The following ABCD2 variants were observed in gnomAD, a reference collection of about 807,000 sequenced individuals.
ABCD2 encodes ATP-binding cassette sub-family D member 2.
A neutral mutation model predicts 70.9 loss-of-function variants in ABCD2; 36 were observed. That is an observed-to-expected ratio of 0.51 (90% confidence interval 0.39 to 0.67). The LOEUF is 0.67. Ranked by LOEUF, ABCD2 falls within the 30% of genes least tolerant of loss-of-function variation. ABCD2 has a pLI of 0.00. For missense variants in ABCD2, 729 were observed against 890.2 expected (o/e 0.82, Z 2.30); for synonymous variants, 304 against 306.9 (o/e 0.99, Z 0.10).
chr12:39,574,549 C>G (rs1046746760), intron 8 of ABCD2, among the ~76,000 whole-genome samples: 65 of 152,220 alleles, frequency 4.3e-4, no homozygotes, highest in African/African-American at 1.5e-3. Context: ...CTTTCTCCCT[C>G]TCATCTCACC....
intron 6 of ABCD2, among the ~76,000 whole-genome samples, chr12:39,590,185 AATAG>A (rs1205143955): frequency 2.0e-5 from 3 of 152,218 alleles, no homozygotes; most frequent in Non-Finnish European, 2.9e-5. Context: ...AGTTATACAT[AATAG>A]ATAAGCACTC....
At chr12:39,593,166 C>T (rs751110720) in intron 6 of ABCD2, among the ~76,000 whole-genome samples, 2 of 152,160 alleles carry the variant, frequency 1.3e-5, no homozygotes, top group Admixed American at 6.5e-5. Flanking sequence ...TCCCTGATCC[C>T]TACAAAGAAG....
chr12:39,563,840 T>G (rs1346315166), intron 9 of ABCD2, among the ~76,000 whole-genome samples: 1 of 152,198 alleles, frequency 6.6e-6, no homozygotes, highest in African/African-American at 2.4e-5. Flanking sequence ...TGTATTCTCA[T>G]TGTTCAATTC....
Position 39,619,216 on chromosome 12 carries a change from T to C in ABCD2, c.400A>G (p.Ser134Gly). The change falls in exon 1 of 10, where the codon AGC becomes GGC. Residue 134 changes from serine to glycine, a missense_variant. Physicochemically the swap from Ser to Gly is moderately conservative, Grantham distance 56. Coordinates refer to ENST00000308666, the MANE Select transcript of ABCD2 (RefSeq NM_005164.4). ...GTCCGAGGCTTCTTTTCCACAATGC[T>C]TTTCACGATTTTTCCATCCAGACCA... ...VAGLDGKIVK[S>G]IVEKKPRTFI... The C allele has an allele frequency of 6.2e-7, 1 of 1,614,122 alleles. No homozygotes were observed. The highest frequency in any genetic ancestry group is 1.3e-5 in the African/African-American group (1 of 75,010).
chr12:39,536,530 G>A, the ABCD2 span, among the ~76,000 whole-genome samples: 1 of 152,306 alleles, frequency 6.6e-6, no homozygotes, highest in South Asian at 2.1e-4. Context: ...CATTGAACAT[G>A]CTAAATTCTG....
intron 9 of ABCD2, among the ~76,000 whole-genome samples, chr12:39,566,693 T>G (rs1941354140): frequency 6.6e-6 from 1 of 152,248 alleles, no homozygotes. Flanking sequence ...TGTTTGCTCT[T>G]GCTCCTCTAT....
chr12:39,536,013 C>T, the ABCD2 span, among the ~76,000 whole-genome samples: 1 of 152,092 alleles, frequency 6.6e-6, no homozygotes, highest in South Asian at 2.1e-4. Flanking sequence ...ATCACTTGAA[C>T]CTGGCAGGCG....
At chr12:39,565,409 C>T (rs1941329070) in intron 9 of ABCD2, among the ~76,000 whole-genome samples, 1 of 152,146 alleles carries the variant, frequency 6.6e-6, no homozygotes, top group Admixed American at 6.5e-5. Flanking sequence ...TGGGAGTTCA[C>T]TCATGATTTG....
the ABCD2 span, among the ~76,000 whole-genome samples, chr12:39,538,786 C>T: frequency 5.9e-5 from 9 of 152,134 alleles, no homozygotes; most frequent in African/African-American, 1.7e-4. Context: ...GGAAGAGAGC[C>T]GGCGGGAAGA....
the ABCD2 span, among the ~76,000 whole-genome samples, chr12:39,534,760 GAGAAAGAAAGAAAGAAAGAA>G: frequency 7.5e-4 from 85 of 113,252 alleles, no homozygotes; most frequent in Middle Eastern, 4.4e-3. Flanking sequence ...AAGAAAGAAA[GAGAAAGAAAGAAAGAAAGAA>G]AGAAAGAAAG....
rs1942126274 is a variant in ABCD2 at position 39,617,119 on chromosome 12, A to G, written c.989T>C (p.Met330Thr). Residue 330 changes from methionine to threonine, a missense_variant, in exon 2 of 10, where the codon ATG (methionine) becomes ACG (threonine). Physicochemically the swap from Met to Thr is moderately conservative, Grantham distance 81. Around this residue, in one of 3 missense-constraint regions of ABCD2, gnomAD observed 195 missense variants for 300.2 expected, o/e 0.65. Coordinates refer to ENST00000308666, the MANE Select transcript of ABCD2 (RefSeq NM_005164.4). ...CAAACGTTTGGATAAAATGAGGTTC[A>G]TCTGATCTGCTAAAGCTTTGTAACT... ...QKSYKALADQMNLILSKRLWY... is the reference protein window; with the variant it reads ...QKSYKALADQTNLILSKRLWY... The G allele has an allele frequency of 6.2e-7, 1 of 1,611,894 alleles. No homozygotes were observed. Among genetic ancestry groups the G allele is most frequent in the Non-Finnish European group, 8.5e-7 (1 of 1,179,004 alleles).
chr12:39,558,314 C>T (rs1941200764), intron 9 of ABCD2, among the ~76,000 whole-genome samples: 1 of 152,128 alleles, frequency 6.6e-6, no homozygotes, highest in Admixed American at 6.5e-5. Context: ...AAGTAACTAA[C>T]TTTGGACTTG....
In ABCD2 at chr12:39,556,056, A is replaced by C. The variant is rs541613489; in HGVS notation, c.2004-1925T>G. 1.6e-4 allele frequency among the ~76,000 whole-genome samples: 25 copies of C among 152,282 alleles called. No individual in the cohort carries two copies. In the South Asian group the frequency reaches 2.3e-3, roughly 14 times the overall value. On this transcript the variant is annotated intron_variant, in intron 9 of 9. Transcript: ENST00000308666. ...AGAATTTCTGGATAGGCTTACTGTCAAAGAACTTTTCTCAGACAAAGCTAG... is the reference window on the plus strand; with the variant it reads ...AGAATTTCTGGATAGGCTTACTGTCCAAGAACTTTTCTCAGACAAAGCTAG...
At chr12:39,564,983 G>T (rs201097381) in intron 9 of ABCD2, among the ~76,000 whole-genome samples, 4 of 152,050 alleles carry the variant, frequency 2.6e-5, no homozygotes, top group East Asian at 1.9e-4. Context: ...TGTTCCATTG[G>T]CTATATCTCT....
At chr12:39,535,832 A>T in the ABCD2 span, among the ~76,000 whole-genome samples, 1 of 152,208 alleles carries the variant, frequency 6.6e-6, no homozygotes, top group African/African-American at 2.4e-5. Context: ...TGAAAGTATA[A>T]ATTAAAAATT....
At chr12:39,581,569 A>AG (rs1292265641) in intron 7 of ABCD2, among the ~76,000 whole-genome samples, 1 of 152,226 alleles carries the variant, frequency 6.6e-6, no homozygotes, top group Non-Finnish European at 1.5e-5. Flanking sequence ...TTTCCCTGTG[A>AG]TTGAATTTCA....
At chr12:39,586,324 C>A in intron 6 of ABCD2, 27 bp from the exon 7 acceptor site, 1 of 1,597,780 alleles carries the variant, frequency 6.3e-7, no homozygotes, top group Non-Finnish European at 8.5e-7. Flanking sequence ...ACACAAGAAT[C>A]CTAGTGGAAA....
At position 39,617,110 on chromosome 12, in the gene ABCD2, A is replaced by G. The variant is rs1336644503; in HGVS notation, c.998T>C (p.Ile333Thr). The G allele has an allele frequency of 1.2e-6, 2 of 1,612,566 alleles. No individual in the cohort carries two copies. The highest frequency in any genetic ancestry group is 1.7e-6 in the Non-Finnish European group (2 of 1,179,226). The change falls in exon 2 of 10, where the codon ATT (isoleucine) becomes ACT (threonine). Residue 333 changes from isoleucine (I) to threonine (T), a missense_variant. Coordinates refer to ENST00000308666, the MANE Select transcript of ABCD2 (RefSeq NM_005164.4). ...GATGTACCACAAACGTTTGGATAAA[A>G]TGAGGTTCATCTGATCTGCTAAAGC... ...YKALADQMNL[I>T]LSKRLWYIMI...
Position 39,552,403 on chromosome 12 carries a change from T to C in ABCD2, c.*1509A>G, listed in dbSNP as rs868815934. The stretch of plus-strand genomic sequence containing the variant: ...CACTAACAACTGATCATTCCAATAT[T>C]CTTCTGGTATGTCAATGTGGTATCA... On this transcript the variant is annotated 3_prime_UTR_variant, in exon 10 of 10. Transcript: ENST00000308666. 6.6e-6 allele frequency: 1 copy of C among 151,908 alleles called. No individual in the cohort carries two copies. 9.4% of individuals were successfully genotyped at this position (151,908 alleles called of 1,614,324 possible).
Sources: allele counts gnomAD v4.1 joint callset (sites outside exome capture counted in the v4.1 genomes callset), GRCh38; gene constraint gnomAD v4.1.1; regional missense constraint gnomAD v4.1.1; transcripts MANE v1.5; gene names NCBI Gene and HGNC (gene_info 2026-07-23, HGNC 2026-07-21).